PTCHD4: variants seen among roughly 807,000 people sequenced by gnomAD.
The protein encoded by PTCHD4 is patched domain containing 4, also known as patched domain-containing protein 4.
PTCHD4 carries 33 observed loss-of-function variants against 58.1 expected under a neutral mutation model. That is an observed-to-expected ratio of 0.57 (90% CI 0.43 to 0.76). The LOEUF is 0.76. Ranked by LOEUF, PTCHD4 falls within the 30% of genes least tolerant of loss-of-function variation. PTCHD4 has a pLI of 0.00. For missense variants in PTCHD4, 1,058 were observed against 1,027.1 expected (o/e 1.03, Z -0.41); for synonymous variants, 478 against 409.6 (o/e 1.17, Z -2.02).
chr6:48,018,595 A>G (rs141725079), intron 3 of PTCHD4, among the ~76,000 whole-genome samples: 1 of 152,334 alleles, frequency 6.6e-6, no homozygotes, highest in African/African-American at 2.4e-5. Flanking sequence ...ACCTAGATAT[A>G]AATCACCTCT....
intron 4 of PTCHD4, among the ~76,000 whole-genome samples, chr6:47,947,026 G>T (rs1244287660): frequency 6.6e-6 from 1 of 151,948 alleles, no homozygotes; most frequent in African/African-American, 2.4e-5. Flanking sequence ...GTAGAGATGA[G>T]ATCTTGCTAT....
In PTCHD4 at chr6:48,029,049, C is replaced by T. The variant is rs190330744; in HGVS notation, c.418-19935G>A. On this transcript the variant is annotated intron_variant, in intron 3 of 4. Coordinates refer to ENST00000339488, the MANE Select transcript of PTCHD4 (RefSeq NM_001384253.1). ...GACTACATGTTATTAATATGTGTTC[C>T]AGAAGTTCTATGAAATTCCTACAAA... Among the ~76,000 whole-genome samples the T allele has an allele frequency of 3.9e-5, 6 of 151,974 alleles. No homozygotes were observed. In the East Asian group the frequency reaches 7.7e-4, roughly 20 times the overall value.
intron 4 of PTCHD4, among the ~76,000 whole-genome samples, chr6:47,925,181 A>G (rs533705856): frequency 2.6e-4 from 38 of 146,910 alleles, no homozygotes; most frequent in East Asian, 5.9e-4. Flanking sequence ...TATTATATAT[A>G]TGTGTGTGTG....
intron 4 of PTCHD4, among the ~76,000 whole-genome samples, chr6:47,966,169 T>A (rs1767283690): frequency 6.6e-6 from 1 of 152,192 alleles, no homozygotes; most frequent in Non-Finnish European, 1.5e-5. Context: ...CATTTGGTCA[T>A]ACAGGCATAC....
Position 47,866,843 on chromosome 6 carries a change from G to T in PTCHD4, c.*11460C>A, listed in dbSNP as rs142606084. Among the ~76,000 whole-genome samples the T allele has an allele frequency of 7.2e-5, 11 of 151,882 alleles. No individual in the cohort carries two copies. In the East Asian group the frequency reaches 2.1e-3, roughly 30 times the overall value. On this transcript the variant is annotated 3_prime_UTR_variant, in exon 5 of 5. Transcript: ENST00000339488. ...AAAGAAAGCATCAGTGAATCATAAGGAAGTGAATTTAAAAAATAGTTTTAA... is the reference window on the plus strand; with the variant it reads ...AAAGAAAGCATCAGTGAATCATAAGTAAGTGAATTTAAAAAATAGTTTTAA...
chr6:48,102,243 C>T (rs564779176), intron 1 of PTCHD4, among the ~76,000 whole-genome samples: 2 of 152,274 alleles, frequency 1.3e-5, no homozygotes, highest in East Asian at 3.9e-4. Context: ...CAGAGAAATC[C>T]TCTTCCACAA....
At chr6:47,977,764 T>G (rs911435821) in intron 4 of PTCHD4, among the ~76,000 whole-genome samples, 2 of 152,226 alleles carry the variant, frequency 1.3e-5, no homozygotes, top group Non-Finnish European at 2.9e-5. Context: ...ATTTTTCAAC[T>G]TTGTTTTATT....
intron 3 of PTCHD4, among the ~76,000 whole-genome samples, chr6:48,055,763 G>GT: frequency 6.6e-6 from 1 of 152,216 alleles, no homozygotes; most frequent in East Asian, 1.9e-4. Context: ...TTCTTGCAGG[G>GT]TGAGTATCTG....
At chr6:48,028,947 T>C (rs1763341977) in intron 3 of PTCHD4, among the ~76,000 whole-genome samples, 1 of 152,078 alleles carries the variant, frequency 6.6e-6, no homozygotes, top group Admixed American at 6.6e-5. Context: ...ATAATTCAGT[T>C]ATTTGTTATA....
At chr6:47,887,767 T>G (rs1561940301) in intron 4 of PTCHD4, among the ~76,000 whole-genome samples, 1 of 152,222 alleles carries the variant, frequency 6.6e-6, no homozygotes, top group Non-Finnish European at 1.5e-5. Flanking sequence ...GTATACTGAC[T>G]GCTTCTAATT....
intron 3 of PTCHD4, among the ~76,000 whole-genome samples, chr6:48,029,752 G>A (rs1382572814): frequency 1.3e-5 from 2 of 152,020 alleles, no homozygotes; most frequent in Non-Finnish European, 2.9e-5. Context: ...CTGGACATAA[G>A]TAGAAACAAT....
At chr6:48,097,977 A>C (rs778478437) in intron 1 of PTCHD4, among the ~76,000 whole-genome samples, 1 of 152,178 alleles carries the variant, frequency 6.6e-6, no homozygotes, top group Non-Finnish European at 1.5e-5. Flanking sequence ...GGTCGCTTCC[A>C]TCAGTTAAGT....
At chr6:48,084,933 G>A (rs1052551209) in intron 1 of PTCHD4, among the ~76,000 whole-genome samples, 2 of 151,410 alleles carry the variant, frequency 1.3e-5, no homozygotes, top group African/African-American at 2.4e-5. Flanking sequence ...TAGTAGAGAC[G>A]GTGTTTCACC....
rs189168467 is a variant in PTCHD4, at chr6:47,863,696, C to G, written c.*14607G>C. The stretch of plus-strand genomic sequence containing the variant: ...AGTATAGAGTGCTAGTTCTAGTATA[C>G]AGTGGTTCTAGTTAAACCAGTCTAT... On this transcript the variant is annotated 3_prime_UTR_variant, in exon 5 of 5. Coordinates refer to ENST00000339488, the MANE Select transcript of PTCHD4 (RefSeq NM_001384253.1). Among the ~76,000 whole-genome samples the G allele has an allele frequency of 4.9e-4, 74 of 152,090 alleles. No homozygotes were observed. The highest frequency in any genetic ancestry group is 1.6e-3 in the African/African-American group (68 of 41,522).
intron 3 of PTCHD4, among the ~76,000 whole-genome samples, chr6:48,051,139 A>G (rs912146376): frequency 3.3e-5 from 5 of 152,006 alleles, no homozygotes; most frequent in Admixed American, 3.3e-4. Flanking sequence ...AACAAATTTT[A>G]AAGATTTAAT....
intron 4 of PTCHD4, among the ~76,000 whole-genome samples, chr6:47,972,335 A>G (rs1767544493): frequency 6.6e-6 from 1 of 152,188 alleles, no homozygotes; most frequent in Non-Finnish European, 1.5e-5. Context: ...GTTATGTTAG[A>G]AAAAGTTACA....
rs994296266 is a variant in PTCHD4, at chr6:47,867,917, C to T, written c.*10386G>A. On this transcript the variant is annotated 3_prime_UTR_variant, in exon 5 of 5. Transcript: ENST00000339488. Reference sequence around the variant, plus strand: ...TGAGGTAAGTAAATAGGTACAATCACAAGCCATCTAGGGGTACTTCAGAAA... The same window carrying T: ...TGAGGTAAGTAAATAGGTACAATCATAAGCCATCTAGGGGTACTTCAGAAA... 2.6e-5 allele frequency among the ~76,000 whole-genome samples: 4 copies of T among 151,734 alleles called. No individual in the cohort carries two copies. The highest frequency in any genetic ancestry group is 9.7e-5 in the African/African-American group (4 of 41,374).
intron 1 of PTCHD4, among the ~76,000 whole-genome samples, chr6:48,082,970 C>A (rs1337136972): frequency 6.6e-6 from 1 of 151,540 alleles, no homozygotes; most frequent in East Asian, 1.9e-4. Context: ...GCTAAATAAA[C>A]ATCATTTAAT....
intron 1 of PTCHD4, among the ~76,000 whole-genome samples, chr6:48,097,810 A>C (rs1225660872): frequency 6.6e-6 from 1 of 152,184 alleles, no homozygotes; most frequent in African/African-American, 2.4e-5. Flanking sequence ...ATAAATACAG[A>C]AGTTAAGTTC....
Sources: gnomAD v4.1 joint callset for allele counts (sites outside exome capture counted in the v4.1 genomes callset) on GRCh38, gnomAD v4.1.1 for gene constraint, MANE v1.5 for transcripts, NCBI Gene and HGNC (gene_info 2026-07-23, HGNC 2026-07-21) for gene names.